VPS9D1: variants seen among roughly 807,000 people sequenced by gnomAD.
VPS9D1 encodes the protein VPS9 domain containing 1.
A neutral mutation model predicts 75.8 loss-of-function variants in VPS9D1; 78 were observed. The observed-to-expected ratio is 1.03, with a 90% confidence interval of 0.86 to 1.24. VPS9D1 has a LOEUF of 1.24. Ranked by LOEUF, VPS9D1 falls within the 50% of genes most tolerant of loss-of-function variation. VPS9D1 has a pLI of 0.00. For missense variants in VPS9D1, 1,057 were observed against 847.7 expected, an observed-to-expected ratio of 1.25 and a Z score of -3.07; for synonymous variants, 481 against 385.6, an observed-to-expected ratio of 1.25 and a Z score of -2.90.
chr16:89,712,521 G>A lies in VPS9D1; in HGVS notation c.545C>T (p.Thr182Ile). 1 of 1,612,172 alleles carries A rather than the reference G, an allele frequency of 6.2e-7. No individual in the cohort carries two copies. Among genetic ancestry groups the A allele is most frequent in the East Asian group, 2.2e-5 (1 of 44,870 alleles). ...PSQAMQKTSLTLSLQRQMMEN... is the reference protein window; with the variant it reads ...PSQAMQKTSLILSLQRQMMEN... The stretch of plus-strand genomic sequence containing the variant: ...CATCATCTGCCGCTGTAGAGAGAGG[G>A]TCTGGGGGGGGAGGAGGGAGTAAGG... The change falls in exon 6 of 15, where the codon ACC (threonine) becomes ATC (isoleucine). Residue 182 changes from threonine to isoleucine, a missense_variant and splice_region_variant. Thr to Ile is a moderately conservative substitution (Grantham distance 89). Coordinates refer to ENST00000389386, the MANE Select transcript of VPS9D1 (RefSeq NM_004913.3).
intron 2 of VPS9D1, among the ~76,000 whole-genome samples, chr16:89,718,585 C>T (rs1330904552): frequency 6.6e-6 from 1 of 152,182 alleles, no homozygotes; most frequent in Non-Finnish European, 1.5e-5. Flanking sequence ...GGTCCACCTA[C>T]TACAAATGGT....
chr16:89,718,923 C>A, intron 2 of VPS9D1, 104 bp downstream of exon 2: 1 of 960,760 alleles, frequency 1.0e-6, no homozygotes. Flanking sequence ...CCATGTTAGC[C>A]AGGATGGTTT....
intron 12 of VPS9D1, 105 bp from the exon 13 acceptor site, chr16:89,709,061 AGAGCCAC>A: frequency 9.3e-7 from 1 of 1,073,184 alleles, no homozygotes; most frequent in Non-Finnish European, 1.2e-6. Context: ...ACGGCTGGGA[AGAGCCAC>A]GGTGACCCTG....
chr16:89,720,139 C>T (rs1255291642), intron 1 of VPS9D1, among the ~76,000 whole-genome samples: 1 of 152,182 alleles, frequency 6.6e-6, no homozygotes, highest in African/African-American at 2.4e-5. Flanking sequence ...GCACCTGCTG[C>T]CCTAAAAACC....
Position 89,712,606 on chromosome 16 carries a change from A to G in VPS9D1, c.542T>C (p.Leu181Pro). ...AGGCCCTCCCTAGCCCCCACTCACC[A>G]GGGATGTCTTCTGCATGGCCTGGCT... Reference protein sequence around the residue: ...DPSQAMQKTSLTLSLQRQMME... With the variant: ...DPSQAMQKTSPTLSLQRQMME... The change falls in exon 5 of 15, where the codon CTG becomes CCG. Residue 181 changes from leucine to proline, a missense_variant and splice_region_variant. By Grantham distance (98) the Leu-to-Pro change is moderately conservative. Transcript: ENST00000389386. The G allele has an allele frequency of 6.2e-7, 1 of 1,609,112 alleles. No homozygotes were observed. Among genetic ancestry groups the G allele is most frequent in the Non-Finnish European group, 8.5e-7 (1 of 1,178,046 alleles).
At chr16:89,711,086 G>T in intron 9 of VPS9D1, 76 bp from the exon 10 acceptor site, 2 of 1,385,514 alleles carry the variant, frequency 1.4e-6, no homozygotes, top group Non-Finnish European at 1.9e-6. Flanking sequence ...CGCTATGCCC[G>T]GTTTCAGAGA....
intron 1 of VPS9D1, 130 bp from the exon 2 acceptor site, chr16:89,719,232 A>T (rs747390144): frequency 1.0e-5 from 9 of 877,644 alleles, no homozygotes; most frequent in Non-Finnish European, 1.5e-5. Context: ...ACACCCAGAG[A>T]CATTGAGCCT....
Position 89,709,418 on chromosome 16 carries a change from CG to C in VPS9D1, c.1405del (p.Arg469GlyfsTer5). On this transcript the variant is annotated frameshift_variant, in exon 12 of 15. Transcript: ENST00000389386. LOFTEE classifies it high-confidence loss of function. ...LALYRSVHRAREAALSRSMEL... is the reference protein window; with the variant it reads ...LALYRSVHRAXEAALSRSMEL... The stretch of plus-strand genomic sequence containing the variant: ...CATGCTCCTGCTCAGGGCAGCCTCC[CG>C]GGCTCGGTGCACGCTCCTGGGGCAG... 1.3e-6 allele frequency: 2 copies of C among 1,516,760 alleles called. No homozygotes were observed. The highest frequency in any genetic ancestry group is 1.8e-6 in the Non-Finnish European group (2 of 1,140,146). The allele number at this position is 1,516,760 out of a possible 1,614,324, so 94.0% of individuals were successfully genotyped here. A position where few individuals can be genotyped will look rare whatever the true frequency, so the allele number is the denominator to read the frequency against.
At position 89,718,646 on chromosome 16, in the gene VPS9D1, G is replaced by A. The variant is rs543256565; in HGVS notation, c.175+381C>T. Among the ~76,000 whole-genome samples the A allele has an allele frequency of 1.7e-3, 255 of 152,262 alleles. 1 individual carries two copies. The highest frequency in any genetic ancestry group is 5.8e-3 in the African/African-American group (243 of 41,562). Reference sequence around the variant, plus strand: ...CCGCCGAAGCCTGGCACCCATCAAGGGCTAGGATGCCCACAATTTGTCCAG... The same window carrying A: ...CCGCCGAAGCCTGGCACCCATCAAGAGCTAGGATGCCCACAATTTGTCCAG... On this transcript the variant is annotated intron_variant, in intron 2 of 14. Coordinates refer to ENST00000389386, the MANE Select transcript of VPS9D1 (RefSeq NM_004913.3).
At chr16:89,716,956 C>T in intron 2 of VPS9D1, 134 bp from the exon 3 acceptor site, 4 of 728,442 alleles carry the variant, frequency 5.5e-6, no homozygotes, top group Non-Finnish European at 8.2e-6. Context: ...CGGGCAAGCC[C>T]ACTGCCCCCC....
At position 89,712,714 on chromosome 16, in the gene VPS9D1, T is replaced by G; in HGVS notation, c.434A>C (p.Glu145Ala). ...QGAESQSCKKELTPLEEASLQ... is the reference protein window; with the variant it reads ...QGAESQSCKKALTPLEEASLQ... ...GGAGGCCTCCTCCAGTGGCGTCAGCTCTCTGGAAATGTGACAAGCTGCTGT... is the reference window on the plus strand; with the variant it reads ...GGAGGCCTCCTCCAGTGGCGTCAGCGCTCTGGAAATGTGACAAGCTGCTGT... Residue 145 changes from glutamate (E) to alanine (A), a missense_variant and splice_region_variant, in exon 5 of 15, where the codon GAG becomes GCG. Glu to Ala is a moderately radical substitution (Grantham distance 107). Transcript: ENST00000389386. 6.3e-7 allele frequency: 1 copy of G among 1,591,602 alleles called. No individual in the cohort carries two copies. Among genetic ancestry groups the G allele is most frequent in the East Asian group, 2.2e-5 (1 of 44,666 alleles).
intron 2 of VPS9D1, among the ~76,000 whole-genome samples, chr16:89,718,426 A>G (rs2061143391): frequency 6.6e-6 from 1 of 151,814 alleles, no homozygotes. Context: ...GCCCACTCCT[A>G]TTTCAGGGCC....
At chr16:89,713,902 A>G (rs1307555131) in intron 4 of VPS9D1, among the ~76,000 whole-genome samples, 2 of 152,048 alleles carry the variant, frequency 1.3e-5, no homozygotes, top group African/African-American at 4.8e-5. Flanking sequence ...AGCCTGGGTG[A>G]TAGAGACTCT....
Position 89,716,579 on chromosome 16 carries a change from G to C in VPS9D1, c.314C>G (p.Pro105Arg), listed in dbSNP as rs754677006. ...ACGGCGGTGTCGGCCGGCAGGCTGGGGAATGGGAGCAGCTGCAGGCATGGT... is the reference window on the plus strand; with the variant it reads ...ACGGCGGTGTCGGCCGGCAGGCTGGCGAATGGGAGCAGCTGCAGGCATGGT... Reference protein sequence around the residue: ...KPTMPAAAPIPQPAGRHRRVY... With the variant: ...KPTMPAAAPIRQPAGRHRRVY... Residue 105 changes from proline to arginine, a missense_variant, in exon 4 of 15, where the codon CCC becomes CGC. Pro to Arg is a moderately radical substitution (Grantham distance 103). Transcript: ENST00000389386. The C allele has an allele frequency of 1.9e-6, 3 of 1,614,002 alleles. No individual in the cohort carries two copies. The highest frequency in any genetic ancestry group is 2.2e-5 in the East Asian group (1 of 44,874).
At chr16:89,713,864 C>T (rs772679913) in intron 4 of VPS9D1, among the ~76,000 whole-genome samples, 10 of 151,812 alleles carry the variant, frequency 6.6e-5, no homozygotes, top group Non-Finnish European at 1.5e-4. Flanking sequence ...AAAAATTAGC[C>T]GGGTGTGGTG....
chr16:89,712,421 T>G, intron 6 of VPS9D1, 39 bp downstream of exon 6: 1 of 1,610,174 alleles, frequency 6.2e-7, no homozygotes, highest in South Asian at 1.1e-5. Flanking sequence ...CCACACTGAG[T>G]TTCCCCTCGG....
In VPS9D1 at chr16:89,709,843, C is replaced by T. The variant is rs780543600; in HGVS notation, c.1322G>A (p.Arg441His). The T allele has an allele frequency of 1.1e-5, 17 of 1,613,596 alleles. No individual in the cohort carries two copies. Among genetic ancestry groups the T allele is most frequent in the African/African-American group, 1.3e-5 (1 of 74,882 alleles). Residue 441 changes from arginine to histidine, a missense_variant, in exon 11 of 15, where the codon CGC (arginine) becomes CAC (histidine). Physicochemically the swap from Arg to His is conservative, Grantham distance 29 (BLOSUM62 0). Coordinates refer to ENST00000389386, the MANE Select transcript of VPS9D1 (RefSeq NM_004913.3). ...EGLNTAASKD[R>H]CLACIEEPFF... ...GGGTTCCTCAATGCAGGCCAGGCAGCGGTCCTTGGAGGCAGCTGTGTTTAG... is the reference window on the plus strand; with the variant it reads ...GGGTTCCTCAATGCAGGCCAGGCAGTGGTCCTTGGAGGCAGCTGTGTTTAG...
chr16:89,718,281 C>T (rs1387039913), intron 2 of VPS9D1: 2 of 358,696 alleles, frequency 5.6e-6, no homozygotes, highest in African/African-American at 4.3e-5. Flanking sequence ...GTGGTCTGGC[C>T]ACTGCCATCC....
Position 89,708,872 on chromosome 16 carries a change from A to G in VPS9D1, c.1682T>C (p.Ile561Thr), listed in dbSNP as rs909070107. 1.3e-6 allele frequency: 2 copies of G among 1,582,820 alleles called. No individual in the cohort carries two copies. The highest frequency in any genetic ancestry group is 2.7e-5 in the African/African-American group (2 of 73,208). The change falls in exon 13 of 15, where the codon ATC becomes ACC. Residue 561 changes from isoleucine to threonine, a missense_variant. Physicochemically the swap from Ile to Thr is moderately conservative, Grantham distance 89 (BLOSUM62 -1). Transcript: ENST00000389386. ...TGGGACTCACATGGCAGCTGCAGCG[A>G]TGGGCGGGGGCCCGGCCTGGGGTGT... ...EATPQAGPPP[I>T]AAAAIGADDL...
Sources: gnomAD v4.1 joint callset for allele counts (sites outside exome capture counted in the v4.1 genomes callset) on GRCh38, gnomAD v4.1.1 for gene constraint, MANE v1.5 for transcripts, NCBI Gene and HGNC (gene_info 2026-07-23, HGNC 2026-07-21) for gene names.